The following BCKDHB variants were observed in gnomAD, a reference collection of about 807,000 sequenced individuals.
BCKDHB encodes 2-oxoisovalerate dehydrogenase subunit beta, mitochondrial.
In BCKDHB, 41 loss-of-function variants were observed where a neutral mutation model predicts 48.5. The observed-to-expected ratio is 0.85, with a 90% CI of 0.66 to 1.10. The LOEUF (loss-of-function observed/expected upper bound fraction) is 1.10, where lower values mean the gene tolerates loss of function less well. Ranked by LOEUF, BCKDHB falls within the 50% of genes least tolerant of loss-of-function variation. The pLI is 0.00. For missense variants in BCKDHB, 496 were observed against 494.2 expected (o/e 1.00, Z -0.03); for synonymous variants, 201 against 174.8 (o/e 1.15, Z -1.18).
intron 9 of BCKDHB, among the ~76,000 whole-genome samples, chr6:80,342,395 A>G (rs1562241353): frequency 6.6e-6 from 1 of 151,984 alleles, no homozygotes; most frequent in Non-Finnish European, 1.5e-5. Context: ...GTTTAATCAC[A>G]TATCCCTTTT....
intron 3 of BCKDHB, among the ~76,000 whole-genome samples, chr6:80,135,200 G>GA (rs1179241216): frequency 6.6e-6 from 1 of 152,108 alleles, no homozygotes; most frequent in Non-Finnish European, 1.5e-5. Flanking sequence ...TTATTTGGGT[G>GA]ATACTCATAC....
At chr6:80,324,309 T>C (rs1768917324) in intron 9 of BCKDHB, among the ~76,000 whole-genome samples, 1 of 152,196 alleles carries the variant, frequency 6.6e-6, no homozygotes, top group Non-Finnish European at 1.5e-5. Context: ...CCTAGGCATC[T>C]GTTTTTAAAG....
At chr6:80,218,216 C>T (rs1775260220) in intron 8 of BCKDHB, among the ~76,000 whole-genome samples, 1 of 152,022 alleles carries the variant, frequency 6.6e-6, no homozygotes, top group Non-Finnish European at 1.5e-5. Context: ...TCATGTGTTT[C>T]ACTGCTGAGT....
At chr6:80,255,405 A>G (rs1450540664) in intron 8 of BCKDHB, among the ~76,000 whole-genome samples, 3 of 152,090 alleles carry the variant, frequency 2.0e-5, no homozygotes, top group Non-Finnish European at 2.9e-5. Context: ...AGTGGCTTCT[A>G]TTTTTCTCCG....
intron 6 of BCKDHB, among the ~76,000 whole-genome samples, chr6:80,180,286 A>G (rs1773350027): frequency 6.6e-6 from 1 of 152,142 alleles, no homozygotes; most frequent in Non-Finnish European, 1.5e-5. Context: ...CTGATTATTT[A>G]TTGTAATTAT....
the BCKDHB span, among the ~76,000 whole-genome samples, chr6:80,451,735 A>G: frequency 2.8e-5 from 3 of 108,894 alleles, no homozygotes; most frequent in Admixed American, 8.5e-5. Flanking sequence ...TCTCAAAAGA[A>G]AAAAAAAAAA....
At chr6:80,187,905 G>A (rs1383031119) in intron 6 of BCKDHB, among the ~76,000 whole-genome samples, 1 of 152,120 alleles carries the variant, frequency 6.6e-6, no homozygotes, top group Non-Finnish European at 1.5e-5. Context: ...TAGCCATTGT[G>A]GAAAGCAGTT....
intron 7 of BCKDHB, among the ~76,000 whole-genome samples, chr6:80,202,682 CT>C (rs1314303760): frequency 1.3e-5 from 2 of 151,846 alleles, no homozygotes; most frequent in East Asian, 3.9e-4. Context: ...TTTTTATCTC[CT>C]TTTTTTCTTT....
At chr6:80,273,252 CT>C (rs1554205569) in intron 9 of BCKDHB, 31 bp downstream of exon 9, 36 of 1,538,278 alleles carry the variant, frequency 2.3e-5, no homozygotes, top group Non-Finnish European at 3.1e-5. Context: ...GATTTCAATG[CT>C]TGTGCAATTC....
At chr6:80,389,938 C>G in the BCKDHB span, among the ~76,000 whole-genome samples, 3 of 152,128 alleles carry the variant, frequency 2.0e-5, no homozygotes, top group Non-Finnish European at 4.4e-5. Context: ...GCTTCCTGTT[C>G]CCGTGACATT....
chr6:80,334,819 G>A (rs972844612), intron 9 of BCKDHB, among the ~76,000 whole-genome samples: 11 of 142,746 alleles, frequency 7.7e-5, no homozygotes, highest in Admixed American at 1.5e-4. Context: ...GGAAAAAGCA[G>A]TAAAATAAAA....
chr6:80,338,408 A>T (rs568054795), intron 9 of BCKDHB, among the ~76,000 whole-genome samples: 1 of 152,244 alleles, frequency 6.6e-6, no homozygotes, highest in East Asian at 1.9e-4. Flanking sequence ...CGGAACCAGC[A>T]ATTAGCGTTT....
intron 1 of BCKDHB, among the ~76,000 whole-genome samples, chr6:80,109,339 A>G (rs1278077125): frequency 6.6e-6 from 1 of 152,226 alleles, no homozygotes; most frequent in East Asian, 1.9e-4. Context: ...GGAACCTTTA[A>G]ATAATTACCA....
intron 3 of BCKDHB, among the ~76,000 whole-genome samples, chr6:80,158,268 CACAT>C (rs1052807371): frequency 3.3e-5 from 5 of 152,162 alleles, no homozygotes; most frequent in Non-Finnish European, 5.9e-5. Context: ...ATTTACTAAG[CACAT>C]ACATTTGTTT....
the BCKDHB span, among the ~76,000 whole-genome samples, chr6:80,457,079 C>CT: frequency 2.6e-5 from 4 of 152,152 alleles, no homozygotes; most frequent in South Asian, 4.1e-4. Flanking sequence ...TGACACACTC[C>CT]TTTTTCCGAT....
intron 8 of BCKDHB, among the ~76,000 whole-genome samples, chr6:80,216,461 C>T (rs1420749070): frequency 2.0e-5 from 3 of 151,856 alleles, no homozygotes; most frequent in African/African-American, 7.3e-5. Flanking sequence ...ATTTTTTTTC[C>T]TTCCACATGG....
intron 6 of BCKDHB, among the ~76,000 whole-genome samples, chr6:80,179,490 T>C (rs562496090): frequency 9.2e-5 from 14 of 152,228 alleles, no homozygotes; most frequent in African/African-American, 3.4e-4. Flanking sequence ...AATCTAGATA[T>C]GATTTTAAGG....
At chr6:80,117,989 A>G (rs767487338) in intron 1 of BCKDHB, among the ~76,000 whole-genome samples, 1 of 152,170 alleles carries the variant, frequency 6.6e-6, no homozygotes, top group Non-Finnish European at 1.5e-5. Context: ...GTTCTTAGCT[A>G]TGGAAATCCT....
intron 8 of BCKDHB, among the ~76,000 whole-genome samples, chr6:80,235,085 G>A (rs1776093589): frequency 1.3e-5 from 2 of 152,124 alleles, no homozygotes; most frequent in South Asian, 4.1e-4. Context: ...ATAAGTTCTA[G>A]TGTCCAGTAA....
Sources: gnomAD v4.1 joint callset for allele counts (sites outside exome capture counted in the v4.1 genomes callset) on GRCh38, gnomAD v4.1.1 for gene constraint, MANE v1.5 for transcripts, NCBI Gene and HGNC (gene_info 2026-07-23, HGNC 2026-07-21) for gene names.